Variants in CPT1A observed in about 807,000 individuals in gnomAD.
The protein encoded by CPT1A is carnitine O-palmitoyltransferase 1, liver isoform.
Under a neutral mutation model 100.8 loss-of-function variants are expected in CPT1A, and 64 were observed. The ratio of observed to expected loss-of-function variants is 0.63; its 90% confidence interval spans 0.52 to 0.78. The LOEUF is 0.78. Ranked by LOEUF, CPT1A falls within the 30% of genes least tolerant of loss-of-function variation. CPT1A has a pLI of 0.00. For missense variants in CPT1A, 802 were observed against 1,034.1 expected (o/e 0.78, Z 3.08); for synonymous variants, 363 against 396.0 (o/e 0.92, Z 0.99).
At chr11:68,780,227 T>G (rs914968762) in intron 12 of CPT1A, among the ~76,000 whole-genome samples, 9 of 152,240 alleles carry the variant, frequency 5.9e-5, no homozygotes, top group Non-Finnish European at 8.8e-5. Context: ...AAAATTCATA[T>G]TCTATAATCA....
intron 1 of CPT1A, among the ~76,000 whole-genome samples, chr11:68,827,968 T>C (rs1332121676): frequency 6.6e-6 from 1 of 152,198 alleles, no homozygotes; most frequent in Non-Finnish European, 1.5e-5. Flanking sequence ...GGAACTTCTC[T>C]GTTCACTTTT....
At chr11:68,792,972 C>G (rs1034055725) in intron 9 of CPT1A, among the ~76,000 whole-genome samples, 1 of 152,136 alleles carries the variant, frequency 6.6e-6, no homozygotes, top group African/African-American at 2.4e-5. Context: ...TCCTTGAGCT[C>G]AGGAGGTGGA....
At chr11:68,799,595 C>A (rs1855848724) in intron 5 of CPT1A, among the ~76,000 whole-genome samples, 1 of 151,646 alleles carries the variant, frequency 6.6e-6, no homozygotes, top group South Asian at 2.1e-4. Flanking sequence ...CAAAAAAAAA[C>A]AAGACAAAAA....
upstream of CPT1A, among the ~76,000 whole-genome samples, chr11:68,842,554 C>G (rs776856893): frequency 6.6e-5 from 10 of 152,216 alleles, no homozygotes; most frequent in Non-Finnish European, 1.3e-4. Context: ...GATCCAGAGG[C>G]AGCGTGGCTC....
chr11:68,827,940 G>A (rs1856774014), intron 1 of CPT1A, among the ~76,000 whole-genome samples: 1 of 152,192 alleles, frequency 6.6e-6, no homozygotes, highest in Admixed American at 6.5e-5. Context: ...CTGCTCTTGT[G>A]TCCCTGCTGG....
Position 68,784,809 on chromosome 11 carries a change from G to A in CPT1A, c.1163+6C>T. On this transcript the variant is annotated splice_donor_region_variant and intron_variant, in intron 10 of 18. Transcript: ENST00000265641. ...CAAAACAGGACAAGGGACCTAGGCTGCGCACCTGTCTCCTGCGGTGAGGGC... is the reference window on the plus strand; with the variant it reads ...CAAAACAGGACAAGGGACCTAGGCTACGCACCTGTCTCCTGCGGTGAGGGC... The A allele has an allele frequency of 6.2e-7, 1 of 1,606,860 alleles. No individual in the cohort carries two copies. Among genetic ancestry groups the A allele is most frequent in the African/African-American group, 1.3e-5 (1 of 75,030 alleles).
intron 7 of CPT1A, among the ~76,000 whole-genome samples, chr11:68,795,785 C>T (rs1855740548): frequency 6.6e-6 from 1 of 151,900 alleles, no homozygotes; most frequent in African/African-American, 2.4e-5. Flanking sequence ...TGGCAGGTGC[C>T]TGTAATCCCA....
intron 1 of CPT1A, among the ~76,000 whole-genome samples, chr11:68,838,848 G>C (rs1326862224): frequency 6.6e-6 from 1 of 152,198 alleles, no homozygotes; most frequent in Non-Finnish European, 1.5e-5. Flanking sequence ...GATTACAGGC[G>C]TGAGCCACGG....
chr11:68,785,066 C>T, intron 9 of CPT1A, 56 bp from the exon 10 acceptor site: 3 of 1,515,256 alleles, frequency 2.0e-6, no homozygotes, highest in Non-Finnish European at 2.7e-6. Context: ...TCAGCACGTG[C>T]TGAGACGACC....
intron 17 of CPT1A, 105 bp downstream of exon 17, chr11:68,760,120 C>T (rs1946774695): frequency 2.5e-6 from 2 of 785,382 alleles, no homozygotes; most frequent in Non-Finnish European, 4.4e-6. Context: ...GGCGGTAGAA[C>T]CGCAAGGTAA....
rs1307527771 is a variant in CPT1A at position 68,793,468 on chromosome 11, G to A, written c.880-66C>T. On this transcript the variant is annotated intron_variant, in intron 8 of 18. Transcript: ENST00000265641. ...ACAGAAGAAAAGCAGCAAGTTGGCC[G>A]GGTGCGGTGGCTCACGCCTGTAATC... The A allele has an allele frequency of 9.8e-6, 13 of 1,331,690 alleles. No individual in the cohort carries two copies. In the East Asian group the frequency reaches 1.0e-4, roughly 10 times the overall value. The allele number at this position is 1,331,690 out of a possible 1,614,324, so 82.5% of individuals were successfully genotyped here. A position where few individuals can be genotyped will look rare whatever the true frequency, so the allele number is the denominator to read the frequency against.
chr11:68,816,784 T>TG (rs1856408483), intron 1 of CPT1A, among the ~76,000 whole-genome samples: 1 of 140,494 alleles, frequency 7.1e-6, no homozygotes, highest in African/African-American at 2.9e-5. Context: ...GTGTGTGGTG[T>TG]GTGTGTGTAT....
chr11:68,839,015 T>A (rs1022277974), intron 1 of CPT1A, among the ~76,000 whole-genome samples: 2 of 151,910 alleles, frequency 1.3e-5, no homozygotes, highest in African/African-American at 4.8e-5. Context: ...TCTCGAGAGA[T>A]TCTCTCCAAC....
In CPT1A at chr11:68,841,306, C is replaced by G. The variant is rs1299986422; in HGVS notation, c.-14+469G>C. On this transcript the variant is annotated intron_variant, in intron 1 of 18. Transcript: ENST00000265641. This position sits in a 1 kb window ranked among gnomAD's most constrained non-coding sequence, Gnocchi z 6.3. ...AGGCCCTACTGGCCCCGGGCGAAGG[C>G]ATCCTGGAAAGCATCCAGAGCGTCC... is the stretch of plus-strand genomic sequence containing the variant. Among the ~76,000 whole-genome samples, 4 of 151,756 alleles carry G rather than the reference C, an allele frequency of 2.6e-5. No individual in the cohort carries two copies.
At chr11:68,833,274 ACT>A (rs1425485909) in intron 1 of CPT1A, among the ~76,000 whole-genome samples, 2 of 152,250 alleles carry the variant, frequency 1.3e-5, no homozygotes, top group African/African-American at 2.4e-5. Context: ...GCTCTTCTGA[ACT>A]GAGATGCAGG....
chr11:68,815,891 G>A (rs868704202), intron 1 of CPT1A, among the ~76,000 whole-genome samples: 2 of 144,372 alleles, frequency 1.4e-5, no homozygotes, highest in Admixed American at 7.0e-5. Context: ...GACGTCCCCC[G>A]GAACCATGCC....
chr11:68,784,768 C>CGCCT, intron 10 of CPT1A, 47 bp downstream of exon 10: 1 of 1,563,502 alleles, frequency 6.4e-7, no homozygotes, highest in Non-Finnish European at 8.7e-7. Context: ...TGAGGAAGAG[C>CGCCT]GCCTCCACCA....
chr11:68,760,629 A>G (rs993169526), intron 16 of CPT1A, among the ~76,000 whole-genome samples: 3 of 152,208 alleles, frequency 2.0e-5, no homozygotes, highest in African/African-American at 2.4e-5. Context: ...CGGAACGGGG[A>G]CAGAGGTGTC....
intron 12 of CPT1A, among the ~76,000 whole-genome samples, chr11:68,779,919 C>A (rs911659347): frequency 6.6e-6 from 1 of 151,956 alleles, no homozygotes; most frequent in Non-Finnish European, 1.5e-5. Flanking sequence ...GTAAAAGACA[C>A]GCTGCATGTT....
Sources: allele counts gnomAD v4.1 joint callset (sites outside exome capture counted in the v4.1 genomes callset), GRCh38; gene constraint gnomAD v4.1.1; non-coding constraint Gnocchi (gnomAD v3.1); transcripts MANE v1.5; gene names NCBI Gene and HGNC (gene_info 2026-07-23, HGNC 2026-07-21).